FGFR2: variants seen among roughly 807,000 people sequenced by gnomAD.
FGFR2 encodes fibroblast growth factor receptor 2.
In FGFR2, 19 loss-of-function variants were observed where a neutral mutation model predicts 95.9. The observed-to-expected ratio is 0.20, with a 90% CI of 0.14 to 0.29. The LOEUF (loss-of-function observed/expected upper bound fraction) is 0.29, where lower values mean the gene tolerates loss of function less well. Among genes scored for constraint, FGFR2 ranks in the 10% least tolerant of loss-of-function variants. The pLI is 1.00. For synonymous variants in FGFR2, 392 were observed against 393.3 expected, an observed-to-expected ratio of 1.00 and a Z score of 0.04; for missense variants, 707 against 1,056.9, an observed-to-expected ratio of 0.67 and a Z score of 4.59.
At chr10:121,505,911 G>A (rs1456424189) in intron 9 of FGFR2, among the ~76,000 whole-genome samples, 1 of 152,144 alleles carries the variant, frequency 6.6e-6, no homozygotes, top group Non-Finnish European at 1.5e-5. Context: ...CTGCATCAGG[G>A]CCGTGTGCTG....
chr10:121,567,903 G>C (rs1467180304), intron 2 of FGFR2, among the ~76,000 whole-genome samples: 1 of 152,188 alleles, frequency 6.6e-6, no homozygotes, highest in Admixed American at 6.5e-5. Flanking sequence ...TTCAATCCCT[G>C]TTGTATAAGA....
At chr10:121,493,661 G>C (rs1268265499) in intron 13 of FGFR2, among the ~76,000 whole-genome samples, 1 of 152,138 alleles carries the variant, frequency 6.6e-6, no homozygotes, top group Non-Finnish European at 1.5e-5. Context: ...CCTCTTCCAA[G>C]CTTCTCCGCA....
At chr10:121,486,502 C>T (rs1845422780) in intron 15 of FGFR2, among the ~76,000 whole-genome samples, 1 of 152,184 alleles carries the variant, frequency 6.6e-6, no homozygotes, top group Non-Finnish European at 1.5e-5. Context: ...AGTGCAGTGG[C>T]ACAATCTCAG....
intron 2 of FGFR2, among the ~76,000 whole-genome samples, chr10:121,583,739 G>A (rs943949880): frequency 6.7e-5 from 10 of 149,138 alleles, no homozygotes; most frequent in African/African-American, 2.5e-4. Context: ...GAAAGAATGA[G>A]GGGTCACCAC....
rs1329578117 is a variant in FGFR2 at position 121,515,238 on chromosome 10, G to A, written c.1166C>T (p.Ala389Val). The A allele has an allele frequency of 6.2e-7, 1 of 1,614,156 alleles. No individual in the cohort carries two copies. The highest frequency in any genetic ancestry group is 1.1e-5 in the South Asian group (1 of 91,076). ...CAGGATGACTGTTACCACCATACAGGCGATTAAGAAGACCCCTATGCAGTA... is the reference window on the plus strand; with the variant it reads ...CAGGATGACTGTTACCACCATACAGACGATTAAGAAGACCCCTATGCAGTA... ...AIYCIGVFLI[A>V]CMVVTVILCR... is the part of the protein sequence containing the mutation. The change falls in exon 9 of 18, where the codon GCC (alanine) becomes GTC (valine). Residue 389 changes from alanine (A) to valine (V), a missense_variant. Physicochemically the swap from Ala to Val is moderately conservative, Grantham distance 64. Transcript: ENST00000358487.
At position 121,487,399 on chromosome 10, in the gene FGFR2, G is replaced by A; in HGVS notation, c.2012C>T (p.Ala671Val). 6.2e-7 allele frequency: 1 copy of A among 1,614,160 alleles called. No homozygotes were observed. Among genetic ancestry groups the A allele is most frequent in the South Asian group, 1.1e-5 (1 of 91,066 alleles). ...TACTCTATCAAACAGGGCTTCTGGA[G>A]CCATCCACTTGACTGGAAGCCGCCC... Reference protein sequence around the residue: ...TNGRLPVKWMAPEALFDRVYT... With the variant: ...TNGRLPVKWMVPEALFDRVYT... The change falls in exon 15 of 18, where the codon GCT becomes GTT. Residue 671 changes from alanine to valine, a missense_variant. Physicochemically the swap from Ala to Val is moderately conservative, Grantham distance 64. Coordinates refer to ENST00000358487, the MANE Select transcript of FGFR2 (RefSeq NM_000141.5).
At chr10:121,502,007 C>T (rs1847663356) in intron 10 of FGFR2, among the ~76,000 whole-genome samples, 1 of 152,188 alleles carries the variant, frequency 6.6e-6, no homozygotes, top group African/African-American at 2.4e-5. Flanking sequence ...TACGTTTGCG[C>T]TAAACACTGT....
chr10:121,555,112 G>A (rs571534445), intron 4 of FGFR2, among the ~76,000 whole-genome samples: 67 of 152,226 alleles, frequency 4.4e-4, no homozygotes, highest in African/African-American at 1.5e-3. Flanking sequence ...GGTGGCTCAC[G>A]CCTGTAATCC....
chr10:121,598,118 CG>C lies in FGFR2; in HGVS notation c.-308del, dbSNP rs1475182695. The stretch of plus-strand genomic sequence containing the variant: ...GGCGCCAAGCCTCCCGGGCTTCACG[CG>C]TACCCCAGGCTGCGGAGGAGCGCGG... On this transcript the variant is annotated 5_prime_UTR_variant, in exon 1 of 18. The change creates a premature stop within an existing upstream ORF in the 5' untranslated region. Coordinates refer to ENST00000358487, the MANE Select transcript of FGFR2 (RefSeq NM_000141.5). 2.5e-6 allele frequency: 1 copy of C among 398,384 alleles called. No homozygotes were observed. The highest frequency in any genetic ancestry group is 4.4e-6 in the Non-Finnish European group (1 of 225,900). The allele number at this position is 398,384 out of a possible 1,614,324, so 24.7% of individuals were successfully genotyped here.
At chr10:121,593,330 G>A (rs867968571) in intron 2 of FGFR2, among the ~76,000 whole-genome samples, 10 of 152,248 alleles carry the variant, frequency 6.6e-5, no homozygotes, top group Non-Finnish European at 1.2e-4. Context: ...CATCTTGTCC[G>A]AAAATAGCAA....
chr10:121,581,074 C>A (rs959460401), intron 2 of FGFR2, among the ~76,000 whole-genome samples: 1 of 152,156 alleles, frequency 6.6e-6, no homozygotes, highest in Non-Finnish European at 1.5e-5. Flanking sequence ...AGAAACTCTG[C>A]CAATTAGAGG....
chr10:121,533,986 A>C (rs562437185), intron 6 of FGFR2, among the ~76,000 whole-genome samples: 1 of 152,156 alleles, frequency 6.6e-6, no homozygotes, highest in South Asian at 2.1e-4. Context: ...TCCAACAGCC[A>C]AATCAGTCTC....
intron 9 of FGFR2, among the ~76,000 whole-genome samples, chr10:121,504,184 C>A (rs756398605): frequency 1.4e-4 from 22 of 152,314 alleles, no homozygotes; most frequent in Non-Finnish European, 2.8e-4. Context: ...TTTTTCTATA[C>A]CATCTGATCA....
intron 4 of FGFR2, among the ~76,000 whole-genome samples, chr10:121,561,348 C>T (rs192256551): frequency 4.7e-5 from 7 of 149,402 alleles, no homozygotes; most frequent in Admixed American, 1.3e-4. Context: ...TGCTTGAACC[C>T]GGGAGGCAGG....
chr10:121,511,025 G>C (rs1238773612), intron 9 of FGFR2, among the ~76,000 whole-genome samples: 1 of 151,966 alleles, frequency 6.6e-6, no homozygotes, highest in Non-Finnish European at 1.5e-5. Context: ...GGCTGGTCTA[G>C]AACTCCTGAC....
At chr10:121,550,332 C>G (rs1391516779) in intron 5 of FGFR2, among the ~76,000 whole-genome samples, 1 of 152,204 alleles carries the variant, frequency 6.6e-6, no homozygotes, top group African/African-American at 2.4e-5. Flanking sequence ...GGGGCCATGC[C>G]TCACCCTCTC....
At chr10:121,597,511 A>G (rs1863622705) in intron 1 of FGFR2, among the ~76,000 whole-genome samples, 1 of 152,166 alleles carries the variant, frequency 6.6e-6, no homozygotes, top group African/African-American at 2.4e-5. Flanking sequence ...CCCCCTCCCG[A>G]AAAAGGGGTC....
intron 2 of FGFR2, among the ~76,000 whole-genome samples, chr10:121,567,735 T>C (rs560535101): frequency 6.6e-6 from 1 of 152,340 alleles, no homozygotes; most frequent in Admixed American, 6.5e-5. Flanking sequence ...CCGCAGCTTG[T>C]TTTTGTAAAC....
chr10:121,580,270 G>A (rs186360482), intron 2 of FGFR2, among the ~76,000 whole-genome samples: 7 of 152,138 alleles, frequency 4.6e-5, no homozygotes, highest in African/African-American at 7.2e-5. Flanking sequence ...TAAAGGGCTC[G>A]GCCTTTCTTC....
Sources: gnomAD v4.1 joint callset for allele counts (sites outside exome capture counted in the v4.1 genomes callset) on GRCh38, gnomAD v4.1.1 for gene constraint, MANE v1.5 for transcripts, NCBI Gene and HGNC (gene_info 2026-07-23, HGNC 2026-07-21) for gene names.